Variants in CEL observed in about 807,000 individuals in gnomAD.
CEL encodes the protein bile salt-activated lipase.
A neutral mutation model predicts 57.1 loss-of-function variants in CEL; 39 were observed. The observed-to-expected ratio is 0.68, with a 90% CI of 0.53 to 0.89. CEL has a LOEUF of 0.89. CEL is among the 40% of genes least tolerant of loss of function. CEL has a pLI of 0.00. For missense variants in CEL, 698 were observed against 915.0 expected (o/e 0.76, Z 3.06); for synonymous variants, 314 against 396.6 (o/e 0.79, Z 2.48).
chr9:133,066,594 C>CG lies in CEL; in HGVS notation c.610dup (p.Asp204GlyfsTer59), dbSNP rs754393686. ...GGGTGAAGAGGAATATCGCGGCCTT[C>CG]GGGGGGGACCCCAACAACATCACGC... is the stretch of plus-strand genomic sequence containing the variant. On this transcript the variant is annotated frameshift_variant, in exon 5 of 11. Coordinates refer to ENST00000372080, the MANE Select transcript of CEL (RefSeq NM_001807.6). LOFTEE classifies it high-confidence loss of function. This position sits in a 1 kb window ranked among gnomAD's most constrained non-coding sequence, Gnocchi z 4.3. 2.8e-5 allele frequency: 45 copies of CG among 1,613,720 alleles called. No individual in the cohort carries two copies. Among genetic ancestry groups the CG allele is most frequent in the South Asian group, 1.1e-4 (10 of 91,082 alleles).
At position 133,066,998 on chromosome 9, in the gene CEL, T is replaced by C. The variant is rs1830188843; in HGVS notation, c.777+53T>C. ...GGGTGGGGGCTGTCCACATTTCCGT[T>C]CTTTATCCTGGACCCCATCCTTGCC... On this transcript the variant is annotated intron_variant, in intron 6 of 10. Coordinates refer to ENST00000372080, the MANE Select transcript of CEL (RefSeq NM_001807.6). This position sits in a 1 kb window ranked among gnomAD's most constrained non-coding sequence, Gnocchi z 4.3. 3 of 1,605,388 alleles carry C rather than the reference T, an allele frequency of 1.9e-6. No individual in the cohort carries two copies. The highest frequency in any genetic ancestry group is 1.7e-4 in the Middle Eastern group (1 of 6,056).
chr9:133,066,189 G>A lies in CEL; in HGVS notation c.539-341G>A, dbSNP rs1352801672. Among the ~76,000 whole-genome samples the A allele has an allele frequency of 6.6e-6, 1 of 152,090 alleles. No homozygotes were observed. Among genetic ancestry groups the A allele is most frequent in the Non-Finnish European group, 1.5e-5 (1 of 67,988 alleles). On this transcript the variant is annotated intron_variant, in intron 4 of 10. Transcript: ENST00000372080. The surrounding 1 kb of genome is among the most constrained non-coding windows in gnomAD (Gnocchi z 4.3). ...AGGGACTGGGGCAGGGGCAGGAGAG[G>A]TGCATGGGCCTGACCATCCTGCCCC...
chr9:133,067,246 G>C, intron 7 of CEL, 41 bp downstream of exon 7: 1 of 1,546,116 alleles, frequency 6.5e-7, no homozygotes, highest in Non-Finnish European at 8.9e-7. Context: ...TCTCGAGGTG[G>C]GGGTTGAGGG....
In CEL at chr9:133,066,754, CTGTGGTGCTGGGGT is replaced by C. The variant is rs1830183428; in HGVS notation, c.670-83_670-70del. ...TGGGAGGAGGAGCGTGGAGCTGGGG[CTGTGGTGCTGGGGT>C]GTCCTTGTCCCAGCGTGGGGTGGGC... On this transcript the variant is annotated intron_variant, in intron 5 of 10. Coordinates refer to ENST00000372080, the MANE Select transcript of CEL (RefSeq NM_001807.6). The surrounding 1 kb of genome is among the most constrained non-coding windows in gnomAD (Gnocchi z 4.3). 1 of 1,606,544 alleles carries C rather than the reference CTGTGGTGCTGGGGT, an allele frequency of 6.2e-7. No homozygotes were observed. Among genetic ancestry groups the C allele is most frequent in the Non-Finnish European group, 8.5e-7 (1 of 1,174,720 alleles).
rs763582789 is a variant in CEL, at chr9:133,067,098, AGGTG to A, written c.792_795del (p.Gly265AlafsTer13). 6 of 1,614,114 alleles carry A rather than the reference AGGTG, an allele frequency of 3.7e-6. No homozygotes were observed. In the Admixed American group the frequency reaches 1.0e-4, roughly 27 times the overall value. ...TGGTTCTGCCCCCAGGTGGCTGAGA[AGGTG>A]GGTTGCCCTGTGGGTGATGCCGCCA... is the stretch of plus-strand genomic sequence containing the variant. On this transcript the variant is annotated frameshift_variant, in exon 7 of 11. Transcript: ENST00000372080. LOFTEE classifies it high-confidence loss of function.
In CEL at chr9:133,071,047, C is replaced by T. The variant is rs781768532; in HGVS notation, c.1545C>T (p.Asn515=). 1.9e-5 allele frequency: 30 copies of T among 1,613,318 alleles called. No homozygotes were observed. In the South Asian group the frequency reaches 3.3e-4, roughly 18 times the overall value. ...ACTGGGAACCCTACACTACGGAAAACAGCGGCTACCTGGAGATCACCAAGA... is the reference window on the plus strand; with the variant it reads ...ACTGGGAACCCTACACTACGGAAAATAGCGGCTACCTGGAGATCACCAAGA... ...PTHWEPYTTE[N]SGYLEITKKM... Residue 515 remains asparagine, a synonymous_variant, in exon 11 of 11, where the codon AAC becomes AAT. Transcript: ENST00000372080.
At chr9:133,070,792 G>C in intron 10 of CEL, 134 bp downstream of exon 10, 1 of 1,273,770 alleles carries the variant, frequency 7.9e-7, no homozygotes, top group Admixed American at 1.9e-5. Context: ...CGGAATCCAT[G>C]TGTGTTTGAG....
In CEL at chr9:133,066,562, A is replaced by G; in HGVS notation, c.571A>G (p.Ile191Val). Residue 191 changes from isoleucine to valine, a missense_variant, in exon 5 of 11, where the codon ATT (isoleucine) becomes GTT (valine). Transcript: ENST00000372080. This position sits in a 1 kb window ranked among gnomAD's most constrained non-coding sequence, Gnocchi z 4.3. ...TGGCCTTCGGGATCAGCACATGGCC[A>G]TTGCTTGGGTGAAGAGGAATATCGC... The part of the protein sequence containing the change: ...NYGLRDQHMA[I>V]AWVKRNIAAF... 1 of 1,613,882 alleles carries G rather than the reference A, an allele frequency of 6.2e-7. No homozygotes were observed. The highest frequency in any genetic ancestry group is 1.6e-4 in the Middle Eastern group (1 of 6,062).
chr9:133,065,997 G>A (rs1210229950), intron 4 of CEL, among the ~76,000 whole-genome samples: 11 of 152,144 alleles, frequency 7.2e-5, no homozygotes, highest in Non-Finnish European at 1.5e-4. Context: ...CAGCCTGGGC[G>A]ACAGAGTGAG....
In CEL at chr9:133,065,242, G is replaced by C. The variant is rs371770927; in HGVS notation, c.538+5G>C. The C allele has an allele frequency of 9.3e-6, 15 of 1,612,306 alleles. No individual in the cohort carries two copies. In the African/African-American group the frequency reaches 2.0e-4, roughly 22 times the overall value. ...CTGGGGACGCCAATCTGCCAGGTGC[G>C]TGGGTGCCTTCGGCCCTGAGGTGGG... On this transcript the variant is annotated splice_donor_5th_base_variant and intron_variant, in intron 4 of 10. Transcript: ENST00000372080.
Position 133,066,606 on chromosome 9 carries a change from C to A in CEL, c.615C>A (p.Pro205=), listed in dbSNP as rs1830181146. The A allele has an allele frequency of 1.9e-6, 3 of 1,613,922 alleles. No homozygotes were observed. In the African/African-American group the frequency reaches 4.0e-5, roughly 22 times the overall value. The change falls in exon 5 of 11, where the codon CCC becomes CCA. Residue 205 remains proline (P), a synonymous_variant. Coordinates refer to ENST00000372080, the MANE Select transcript of CEL (RefSeq NM_001807.6). The surrounding 1 kb of genome is among the most constrained non-coding windows in gnomAD (Gnocchi z 4.3). ...ATATCGCGGCCTTCGGGGGGGACCC[C>A]AACAACATCACGCTCTTCGGGGAGT... ...KRNIAAFGGD[P]NNITLFGESA... is the part of the protein sequence containing the mutation.
chr9:133,067,354 A>G lies in CEL; in HGVS notation c.895+149A>G, dbSNP rs553188665. ...GCTGGTGTCTCCCCTCGAAGGCCCC[A>G]GCTGTAAGGGAGAGGGGGTGCCGTT... On this transcript the variant is annotated intron_variant, in intron 7 of 10. Transcript: ENST00000372080. 227 of 752,190 alleles carry G rather than the reference A, an allele frequency of 3.0e-4. No homozygotes were observed. The African/African-American group carries it at 3.5e-3, about 12-fold the overall frequency. The allele number at this position is 752,190 out of a possible 1,614,324, so 46.6% of individuals were successfully genotyped here.
At chr9:133,064,889 C>G in intron 3 of CEL, 127 bp downstream of exon 3, 1 of 1,540,204 alleles carries the variant, frequency 6.5e-7, no homozygotes, top group Non-Finnish European at 8.9e-7. Context: ...GGGAGGGGAG[C>G]GCCCACTGCC....
intron 7 of CEL, among the ~76,000 whole-genome samples, chr9:133,068,177 G>T (rs892856256): frequency 4.6e-5 from 7 of 152,216 alleles, no homozygotes; most frequent in Admixed American, 4.6e-4. Flanking sequence ...GCAGCCACTG[G>T]GTCCTCTAGG....
Position 133,070,581 on chromosome 9 carries a change from C to A in CEL, c.1407C>A (p.Thr469=), listed in dbSNP as rs1322276165. The A allele has an allele frequency of 6.2e-7, 1 of 1,614,030 alleles. No individual in the cohort carries two copies. The highest frequency in any genetic ancestry group is 8.5e-7 in the Non-Finnish European group (1 of 1,180,024). The stretch of plus-strand genomic sequence containing the variant: ...ACGTTTTCGGGAAGCCCTTCGCCAC[C>A]CCCACGGGCTACCGGCCCCAAGACA... The part of the protein sequence containing the change: ...IQYVFGKPFA[T]PTGYRPQDRT... The change falls in exon 10 of 11, where the codon ACC becomes ACA. Residue 469 remains threonine (T), a synonymous_variant. Coordinates refer to ENST00000372080, the MANE Select transcript of CEL (RefSeq NM_001807.6).
Position 133,065,538 on chromosome 9 carries a change from C to A in CEL, c.538+301C>A, listed in dbSNP as rs115354678. On this transcript the variant is annotated intron_variant, in intron 4 of 10. Coordinates refer to ENST00000372080, the MANE Select transcript of CEL (RefSeq NM_001807.6). ...GAAAATCACTGGGAGACCCCCATCT[C>A]TACACAAAAATTAAAAATTAGCTGG... Among the ~76,000 whole-genome samples, 754 of 152,236 alleles carry A rather than the reference C, an allele frequency of 5.0e-3. 6 individuals are homozygous for A. Among genetic ancestry groups the A allele is most frequent in the South Asian group, 0.014 (68 of 4,826 alleles).
rs751481231 is a variant in CEL at position 133,070,582 on chromosome 9, C to T, written c.1408C>T (p.Pro470Ser). The change falls in exon 10 of 11, where the codon CCC becomes TCC. Residue 470 changes from proline (P) to serine (S), a missense_variant. Coordinates refer to ENST00000372080, the MANE Select transcript of CEL (RefSeq NM_001807.6). ...QYVFGKPFAT[P>S]TGYRPQDRTV... ...CGTTTTCGGGAAGCCCTTCGCCACC[C>T]CCACGGGCTACCGGCCCCAAGACAG... 14 of 1,613,286 alleles carry T rather than the reference C, an allele frequency of 8.7e-6. No individual in the cohort carries two copies. The highest frequency in any genetic ancestry group is 5.9e-6 in the Non-Finnish European group (7 of 1,179,736).
chr9:133,065,045 C>A lies in CEL; in HGVS notation c.346C>A (p.Arg116=). Residue 116 remains arginine (R), a synonymous_variant, in exon 4 of 11, where the codon CGG becomes AGG. Transcript: ENST00000372080. ...WVPQGRKQVS[R]DLPVMIWIYG... ...CAGCCGCTCCCCCATCTCAGTCTCC[C>A]GGGACCTGCCCGTTATGATCTGGAT... The A allele has an allele frequency of 1.2e-6, 2 of 1,613,298 alleles. No homozygotes were observed. The highest frequency in any genetic ancestry group is 8.5e-7 in the Non-Finnish European group (1 of 1,179,984).
Position 133,071,036 on chromosome 9 carries a change from A to G in CEL, c.1534A>G (p.Thr512Ala), listed in dbSNP as rs764658466. 1.2e-5 allele frequency: 19 copies of G among 1,613,500 alleles called. No homozygotes were observed. The highest frequency in any genetic ancestry group is 1.5e-5 in the Non-Finnish European group (18 of 1,179,832). ...TGTGCCCACACACTGGGAACCCTAC[A>G]CTACGGAAAACAGCGGCTACCTGGA... ...SAVPTHWEPY[T>A]TENSGYLEIT... The change falls in exon 11 of 11, where the codon ACT (threonine) becomes GCT (alanine). Residue 512 changes from threonine to alanine, a missense_variant. By Grantham distance (58) the Thr-to-Ala change is moderately conservative. Around this residue, in one of 6 missense-constraint regions of CEL, gnomAD observed 111 missense variants for 147.3 expected, o/e 0.75. Coordinates refer to ENST00000372080, the MANE Select transcript of CEL (RefSeq NM_001807.6).
Sources: gnomAD v4.1 joint callset for allele counts (sites outside exome capture counted in the v4.1 genomes callset) on GRCh38, gnomAD v4.1.1 for gene constraint, gnomAD v4.1.1 regional missense constraint, Gnocchi (gnomAD v3.1) non-coding constraint, MANE v1.5 for transcripts, NCBI Gene and HGNC (gene_info 2026-07-23, HGNC 2026-07-21) for gene names.